MYO18B: variants seen among roughly 807,000 people sequenced by gnomAD.
MYO18B encodes the protein myosin XVIIIB.
Under a neutral mutation model 273.0 loss-of-function variants are expected in MYO18B, and 204 were observed. That is an observed-to-expected ratio of 0.75 (90% confidence interval 0.67 to 0.84). MYO18B has a LOEUF of 0.84. MYO18B is among the 40% of genes least tolerant of loss of function. MYO18B has a pLI of 0.00. For synonymous variants in MYO18B, 1,330 were observed against 1,305.7 expected (o/e 1.02, Z -0.40); for missense variants, 3,212 against 3,287.6 (o/e 0.98, Z 0.56).
chr22:25,764,654 T>G (rs888333179), intron 3 of MYO18B, among the ~76,000 whole-genome samples: 1 of 152,186 alleles, frequency 6.6e-6, no homozygotes. Context: ...CAAGTCTTTG[T>G]TGGGGAGGTT....
intron 1 of MYO18B, among the ~76,000 whole-genome samples, chr22:25,748,372 A>G (rs2085843525): frequency 6.6e-6 from 1 of 152,174 alleles, no homozygotes; most frequent in Non-Finnish European, 1.5e-5. Flanking sequence ...TATGGATGCC[A>G]GGATATAGGA....
chr22:25,863,018 G>A (rs1027423377), intron 21 of MYO18B, among the ~76,000 whole-genome samples: 2 of 151,784 alleles, frequency 1.3e-5, no homozygotes, highest in African/African-American at 2.4e-5. Flanking sequence ...ATTTCTCTCC[G>A]TTCTTCAAAT....
intron 21 of MYO18B, among the ~76,000 whole-genome samples, chr22:25,859,078 C>A (rs2090655287): frequency 6.6e-6 from 1 of 152,142 alleles, no homozygotes; most frequent in Non-Finnish European, 1.5e-5. Flanking sequence ...CTTTCATATA[C>A]ACAGAGTAAA....
At chr22:25,910,610 T>C (rs1404074604) in intron 32 of MYO18B, among the ~76,000 whole-genome samples, 3 of 152,168 alleles carry the variant, frequency 2.0e-5, no homozygotes, top group Non-Finnish European at 4.4e-5. Flanking sequence ...TTCAGAGCCT[T>C]TAAAAATCAA....
At chr22:25,794,395 C>G (rs1601714693) in intron 11 of MYO18B, among the ~76,000 whole-genome samples, 1 of 147,312 alleles carries the variant, frequency 6.8e-6, no homozygotes, top group East Asian at 1.9e-4. Flanking sequence ...ATTGTAGAGA[C>G]AGGGTCTCAC....
intron 11 of MYO18B, among the ~76,000 whole-genome samples, chr22:25,789,034 T>C (rs2087522328): frequency 6.6e-6 from 1 of 151,846 alleles, no homozygotes; most frequent in African/African-American, 2.4e-5. Context: ...TCTTCTTCTT[T>C]CTTCCTTCTT....
intron 11 of MYO18B, among the ~76,000 whole-genome samples, chr22:25,791,860 A>C (rs1024524093): frequency 6.6e-6 from 1 of 152,208 alleles, no homozygotes; most frequent in Non-Finnish European, 1.5e-5. Context: ...AATTATGATC[A>C]TATCTGTTTT....
At position 25,785,491 on chromosome 22, in the gene MYO18B, G is replaced by C. The variant is rs1342155730; in HGVS notation, c.2376G>C (p.Lys792Asn). ...CCTTTGGCATGGGCGTGTGGTCCAA[G>C]GTAAGGAGGAGGTCCCTCACGGGTG... ...SSSFGMGVWS[K>N]PEDKQKAAAA... The change falls in exon 11 of 44, where the codon AAG (lysine) becomes AAC (asparagine). Residue 792 changes from lysine to asparagine, a missense_variant and splice_region_variant. Physicochemically the swap from Lys to Asn is moderately conservative, Grantham distance 94 (BLOSUM62 0). Transcript: ENST00000335473. 1.2e-6 allele frequency: 2 copies of C among 1,612,156 alleles called. No individual in the cohort carries two copies. Among genetic ancestry groups the C allele is most frequent in the Non-Finnish European group, 1.7e-6 (2 of 1,179,216 alleles).
intron 39 of MYO18B, among the ~76,000 whole-genome samples, chr22:25,986,794 A>G (rs563745348): frequency 6.6e-6 from 1 of 152,322 alleles, no homozygotes; most frequent in Non-Finnish European, 1.5e-5. Flanking sequence ...ATTCTAATAA[A>G]TACGTCCTTA....
intron 12 of MYO18B, among the ~76,000 whole-genome samples, chr22:25,817,516 A>G (rs2089088170): frequency 6.7e-6 from 1 of 149,124 alleles, no homozygotes; most frequent in Non-Finnish European, 1.5e-5. Context: ...TTGTTCTCTC[A>G]ATTCAAATCC....
At chr22:25,796,448 C>T (rs1243184720) in intron 11 of MYO18B, among the ~76,000 whole-genome samples, 1 of 151,868 alleles carries the variant, frequency 6.6e-6, no homozygotes, top group Non-Finnish European at 1.5e-5. Context: ...AAAATAAAAT[C>T]ATCTGGGCAT....
chr22:25,768,449 G>A lies in MYO18B; in HGVS notation c.533G>A (p.Cys178Tyr), dbSNP rs199592988. The change falls in exon 4 of 44, where the codon TGC (cysteine) becomes TAC (tyrosine). Residue 178 changes from cysteine to tyrosine, a missense_variant. Coordinates refer to ENST00000335473, the MANE Select transcript of MYO18B (RefSeq NM_032608.7). The stretch of plus-strand genomic sequence containing the variant: ...ACTCATCCCCATGACGCCCCCCCTT[G>A]CAAGACCTCTCCCCCCGCCACAGAT... Reference protein sequence around the residue: ...EKTHPHDAPPCKTSPPATDTG... With the variant: ...EKTHPHDAPPYKTSPPATDTG... 7.7e-5 allele frequency: 124 copies of A among 1,608,702 alleles called. 2 individuals are homozygous for A. In the South Asian group the frequency reaches 1.2e-3, roughly 15 times the overall value.
chr22:26,032,430 G>T (rs189163306), downstream of MYO18B, among the ~76,000 whole-genome samples: 1 of 151,434 alleles, frequency 6.6e-6, no homozygotes, highest in African/African-American at 2.4e-5. Flanking sequence ...CACCTCTGGC[G>T]TCTCTCTGTG....
intron 34 of MYO18B, among the ~76,000 whole-genome samples, chr22:25,940,816 A>G (rs2146551821): frequency 6.6e-6 from 1 of 152,344 alleles, no homozygotes; most frequent in African/African-American, 2.4e-5. Context: ...TAATTTATGC[A>G]TAAGATCTGA....
chr22:25,832,406 G>A (rs895997412), intron 15 of MYO18B, among the ~76,000 whole-genome samples: 7 of 152,124 alleles, frequency 4.6e-5, no homozygotes, highest in Admixed American at 2.0e-4. Context: ...CGCATATTAC[G>A]AGATACGCAC....
chr22:25,742,630 C>G (rs1292600296), intron 1 of MYO18B, among the ~76,000 whole-genome samples: 1 of 152,160 alleles, frequency 6.6e-6, no homozygotes, highest in Non-Finnish European at 1.5e-5. Context: ...TGAATCTTTG[C>G]CCGCAGACGT....
At chr22:25,941,376 C>T (rs1458532799) in intron 34 of MYO18B, among the ~76,000 whole-genome samples, 1 of 152,148 alleles carries the variant, frequency 6.6e-6, no homozygotes, top group Non-Finnish European at 1.5e-5. Flanking sequence ...GGAGAGTGAA[C>T]ATCAATAATT....
At chr22:25,773,685 G>A (rs991391659) in intron 7 of MYO18B, among the ~76,000 whole-genome samples, 4 of 152,100 alleles carry the variant, frequency 2.6e-5, no homozygotes, top group South Asian at 4.1e-4. Flanking sequence ...GGATGGGCTC[G>A]ATCTCCTGAG....
intron 12 of MYO18B, 32 bp downstream of exon 12, chr22:25,798,129 G>C: frequency 6.4e-7 from 1 of 1,571,624 alleles, no homozygotes; most frequent in Non-Finnish European, 8.7e-7. Context: ...CACCTGGGAG[G>C]GCAGCTGTCT....
Sources: allele counts gnomAD v4.1 joint callset (sites outside exome capture counted in the v4.1 genomes callset), GRCh38; gene constraint gnomAD v4.1.1; transcripts MANE v1.5; gene names NCBI Gene and HGNC (gene_info 2026-07-23, HGNC 2026-07-21).